Variants in TTC3 observed in about 807,000 individuals in gnomAD.
The protein encoded by TTC3 is tetratricopeptide repeat domain 3.
In TTC3, 180 loss-of-function variants were observed where a neutral mutation model predicts 249.6. That is an observed-to-expected ratio of 0.72 (90% CI 0.64 to 0.82). The LOEUF is 0.82. Ranked by LOEUF, TTC3 falls within the 40% of genes least tolerant of loss-of-function variation. The pLI, the probability that TTC3 is intolerant of heterozygous loss-of-function variation, is 0.00. For missense variants in TTC3, 2,061 were observed against 2,398.4 expected (o/e 0.86, Z 2.94); for synonymous variants, 717 against 805.0 (o/e 0.89, Z 1.85).
At chr21:37,085,726 T>C (rs2147651148) in intron 1 of TTC3, 1 of 152,298 alleles carries the variant, frequency 6.6e-6, no homozygotes, top group Middle Eastern at 3.4e-3. Context: ...AAGGCTAGGG[T>C]ATTGTGTGCA....
At chr21:37,195,558 C>G in intron 41 of TTC3, 117 bp from the exon 42 acceptor site, 1 of 1,379,208 alleles carries the variant, frequency 7.3e-7, no homozygotes, top group Non-Finnish European at 9.8e-7. Flanking sequence ...ATTCAGGTTT[C>G]CTGTGCACGG....
At chr21:37,202,451 C>T (rs1359848383) in exon 46 of TTC3, 1 of 152,282 alleles carries the variant, frequency 6.6e-6, no homozygotes, top group Non-Finnish European at 1.5e-5. Flanking sequence ...GCTGAGCACA[C>T]AACAGGCTGT....
intron 36 of TTC3, among the ~76,000 whole-genome samples, chr21:37,184,629 ATT>A (rs765134090): frequency 2.5e-5 from 3 of 121,576 alleles, no homozygotes; most frequent in Admixed American, 8.5e-5. Context: ...TAATTTTTCT[ATT>A]TTTTTTTTTT....
At chr21:37,091,519 A>T in intron 7 of TTC3, 106 bp downstream of exon 7, 1 of 954,456 alleles carries the variant, frequency 1.0e-6, no homozygotes, top group Non-Finnish European at 1.4e-6. Flanking sequence ...AATTTAAAAA[A>T]AGTTTTTATT....
At chr21:37,144,998 T>G (rs2078862395) in intron 21 of TTC3, among the ~76,000 whole-genome samples, 1 of 152,224 alleles carries the variant, frequency 6.6e-6, no homozygotes, top group Non-Finnish European at 1.5e-5. Flanking sequence ...GCATTCTGAC[T>G]TCTGAGTATG....
intron 11 of TTC3, among the ~76,000 whole-genome samples, chr21:37,109,690 G>A (rs1237428198): frequency 2.0e-5 from 3 of 152,228 alleles, no homozygotes; most frequent in Non-Finnish European, 4.4e-5. Flanking sequence ...AAATGTCCCT[G>A]TCTGACAGCT....
At chr21:37,196,175 TTTC>T in intron 42 of TTC3, 139 bp downstream of exon 42, 1 of 1,093,354 alleles carries the variant, frequency 9.1e-7, no homozygotes, top group Admixed American at 3.1e-5. Flanking sequence ...AGTTGCTACA[TTTC>T]TTTCTTTTTG....
chr21:37,150,741 A>G, intron 24 of TTC3, 79 bp from the exon 25 acceptor site: 1 of 921,740 alleles, frequency 1.1e-6, no homozygotes, highest in Admixed American at 1.8e-5. Flanking sequence ...GTGCTTCTGA[A>G]ATACTTGTTA....
chr21:37,113,086 T>C (rs2075817750), intron 11 of TTC3, among the ~76,000 whole-genome samples: 1 of 152,218 alleles, frequency 6.6e-6, no homozygotes, highest in African/African-American at 2.4e-5. Flanking sequence ...GCCAATATCA[T>C]ACTGAATGGA....
At chr21:37,173,230 T>C (rs2081959791) in intron 35 of TTC3, among the ~76,000 whole-genome samples, 1 of 152,198 alleles carries the variant, frequency 6.6e-6, no homozygotes, top group Admixed American at 6.5e-5. Context: ...ACATTTTGTA[T>C]GGTTAGATTA....
At chr21:37,142,091 G>A (rs2078526942) in intron 20 of TTC3, among the ~76,000 whole-genome samples, 2 of 152,040 alleles carry the variant, frequency 1.3e-5, no homozygotes, top group Admixed American at 1.3e-4. Flanking sequence ...GGTATTGATG[G>A]GACGTATCTC....
intron 35 of TTC3, among the ~76,000 whole-genome samples, chr21:37,177,565 T>C (rs1423216716): frequency 1.3e-5 from 2 of 152,182 alleles, no homozygotes; most frequent in African/African-American, 2.4e-5. Flanking sequence ...GTTCTCTACA[T>C]TGTTCTCTAA....
At chr21:37,111,159 T>C (rs1180763806) in intron 11 of TTC3, among the ~76,000 whole-genome samples, 3 of 152,044 alleles carry the variant, frequency 2.0e-5, no homozygotes, top group Non-Finnish European at 4.4e-5. Flanking sequence ...ACGAGCAAAA[T>C]AACCAGCTAA....
intron 15 of TTC3, among the ~76,000 whole-genome samples, chr21:37,126,473 G>C (rs1163458119): frequency 6.6e-6 from 1 of 151,994 alleles, no homozygotes; most frequent in Non-Finnish European, 1.5e-5. Flanking sequence ...CACCTGCTAG[G>C]AGCCTGTTTA....
At position 37,122,930 on chromosome 21, in the gene TTC3, G is replaced by A. The variant is rs908283388; in HGVS notation, c.1064-53G>A. 1.9e-6 allele frequency: 3 copies of A among 1,584,518 alleles called. No homozygotes were observed. The African/African-American group carries it at 4.1e-5, about 21-fold the overall frequency. On this transcript the variant is annotated intron_variant, in intron 12 of 45. Coordinates refer to ENST00000355666, the Ensembl canonical transcript of TTC3. Reference sequence around the variant, plus strand: ...GTAAATTTGAAATCTTTTAAAGTCTGTGTTGCCAATCCATTGATTACTATG... The same window carrying A: ...GTAAATTTGAAATCTTTTAAAGTCTATGTTGCCAATCCATTGATTACTATG...
chr21:37,087,747 G>A, intron 2 of TTC3, 86 bp from the exon 3 acceptor site: 2 of 1,086,280 alleles, frequency 1.8e-6, no homozygotes, highest in East Asian at 5.0e-5. Context: ...CCCACTGAAA[G>A]TTCTTTGGTT....
At chr21:37,114,641 C>A (rs915788128) in intron 11 of TTC3, among the ~76,000 whole-genome samples, 34 of 151,790 alleles carry the variant, frequency 2.2e-4, no homozygotes, top group African/African-American at 7.3e-4. Flanking sequence ...TCAGGGATCT[C>A]GAACTAGAAA....
chr21:37,109,812 A>T (rs1488125591), intron 11 of TTC3, among the ~76,000 whole-genome samples: 1 of 152,224 alleles, frequency 6.6e-6, no homozygotes, highest in Non-Finnish European at 1.5e-5. Context: ...GGCACCCCCC[A>T]GTAGGGGCGG....
At chr21:37,116,474 C>T (rs979909298) in intron 11 of TTC3, among the ~76,000 whole-genome samples, 1 of 151,994 alleles carries the variant, frequency 6.6e-6, no homozygotes, top group African/African-American at 2.4e-5. Context: ...GTGTATTAGT[C>T]TCTGTATTTT....
Sources: allele counts gnomAD v4.1 joint callset (sites outside exome capture counted in the v4.1 genomes callset), GRCh38; gene constraint gnomAD v4.1.1; transcripts MANE v1.5; gene names NCBI Gene and HGNC (gene_info 2026-07-23, HGNC 2026-07-21).